The following ABLIM3 variants were observed in gnomAD, a reference collection of about 807,000 sequenced individuals.
ABLIM3 encodes the protein actin binding LIM protein family member 3, also known as actin-binding LIM protein 3.
A neutral mutation model predicts 109.5 loss-of-function variants in ABLIM3; 61 were observed. The observed-to-expected ratio is 0.56, with a 90% CI of 0.45 to 0.69. The LOEUF (loss-of-function observed/expected upper bound fraction) is 0.69. ABLIM3 is among the 30% of genes least tolerant of loss of function. ABLIM3 has a pLI of 0.00. For synonymous variants in ABLIM3, 300 were observed against 324.8 expected (o/e 0.92, Z 0.82); for missense variants, 796 against 889.5 (o/e 0.89, Z 1.34).
At chr5:149,147,346 G>A (rs116470778) in intron 2 of ABLIM3, among the ~76,000 whole-genome samples, 454 of 151,918 alleles carry the variant, frequency 3.0e-3, no homozygotes, top group African/African-American at 0.01. Flanking sequence ...TTTTCATTCC[G>A]TTTATGTGGC....
At chr5:149,225,972 GTGTGTGTGTGTATATATATATATATATA>G (rs1561607456) in intron 8 of ABLIM3, among the ~76,000 whole-genome samples, 1 of 73,952 alleles carries the variant, frequency 1.4e-5, no homozygotes, top group East Asian at 3.4e-4. Flanking sequence ...GTGTGTGTGT[GTGTGTGTGTGTATATATATATATATATA>G]TATATATATA....
At position 149,259,384 on chromosome 5, in the gene ABLIM3, A is replaced by T. The variant is rs1754716305; in HGVS notation, c.*980A>T. 3 of 1,472,118 alleles carry T rather than the reference A, an allele frequency of 2.0e-6. No homozygotes were observed. The highest frequency in any genetic ancestry group is 1.8e-6 in the Non-Finnish European group (2 of 1,115,078). 91.2% of individuals were successfully genotyped at this position (1,472,118 alleles called of 1,614,324 possible). On this transcript the variant is annotated 3_prime_UTR_variant, in exon 24 of 24. Coordinates refer to ENST00000309868, the MANE Select transcript of ABLIM3 (RefSeq NM_014945.5). ...AATGTTCCCACCAGAGCTCCAACTG[A>T]ACAACCAGACAGACAACTCTCATCA...
At chr5:149,257,988 G>A (rs1754591930) in intron 23 of ABLIM3, among the ~76,000 whole-genome samples, 1 of 152,186 alleles carries the variant, frequency 6.6e-6, no homozygotes, top group Admixed American at 6.5e-5. Flanking sequence ...AGAAAGCGGA[G>A]GGGTCAACAG....
intron 2 of ABLIM3, among the ~76,000 whole-genome samples, chr5:149,163,430 A>G (rs1325552495): frequency 6.6e-6 from 1 of 152,062 alleles, no homozygotes; most frequent in Non-Finnish European, 1.5e-5. Flanking sequence ...ATAACAAAAT[A>G]CCACACACGG....
At chr5:149,213,396 A>G (rs540338477) in intron 7 of ABLIM3, among the ~76,000 whole-genome samples, 122 of 152,300 alleles carry the variant, frequency 8.0e-4, no homozygotes, top group Middle Eastern at 6.8e-3. Context: ...TTCAGAAAAC[A>G]TGGTGAGGTC....
At chr5:149,195,430 G>A (rs2127492026) in intron 3 of ABLIM3, among the ~76,000 whole-genome samples, 1 of 152,248 alleles carries the variant, frequency 6.6e-6, no homozygotes, top group South Asian at 2.1e-4. Context: ...TTCCATCCCT[G>A]TGCTCCCCAC....
chr5:149,242,578 AG>A (rs893329982), intron 15 of ABLIM3, 40 bp downstream of exon 15: 9 of 1,609,494 alleles, frequency 5.6e-6, no homozygotes, highest in Middle Eastern at 1.7e-4. Flanking sequence ...ACACAAGGAG[AG>A]GGGGGAGGTT....
chr5:149,252,380 A>G, intron 22 of ABLIM3, 172 bp downstream of exon 22: 1 of 645,798 alleles, frequency 1.5e-6, no homozygotes, highest in Non-Finnish European at 2.6e-6. Context: ...ACTTTTCCTG[A>G]ATCCTGCCCT....
At chr5:149,188,445 AAAG>A (rs1271616042) in intron 3 of ABLIM3, among the ~76,000 whole-genome samples, 1 of 152,260 alleles carries the variant, frequency 6.6e-6, no homozygotes, top group Non-Finnish European at 1.5e-5. Flanking sequence ...GAATTTAACA[AAAG>A]AAGTTCAAAA....
chr5:149,206,212 A>G (rs370853823), intron 5 of ABLIM3, among the ~76,000 whole-genome samples: 7 of 152,254 alleles, frequency 4.6e-5, no homozygotes, highest in African/African-American at 1.4e-4. Flanking sequence ...CTTGTCCCAC[A>G]TTCTCTTGGC....
chr5:149,210,823 A>C lies in ABLIM3; in HGVS notation c.669+4A>C. The C allele has an allele frequency of 1.9e-6, 3 of 1,613,496 alleles. No individual in the cohort carries two copies. The highest frequency in any genetic ancestry group is 2.5e-6 in the Non-Finnish European group (3 of 1,179,424). On this transcript the variant is annotated splice_donor_region_variant and intron_variant, in intron 7 of 23. Coordinates refer to ENST00000309868, the MANE Select transcript of ABLIM3 (RefSeq NM_014945.5). ...CATCAGTGGCAGAGTCTTGGAGGTG[A>C]GTGGGTATAAGTAACCGTGAAGATG... is the stretch of plus-strand genomic sequence containing the variant.
chr5:149,224,317 A>C (rs1355232132), intron 8 of ABLIM3, among the ~76,000 whole-genome samples: 1 of 152,162 alleles, frequency 6.6e-6, no homozygotes, highest in Non-Finnish European at 1.5e-5. Flanking sequence ...CAGAATTGCC[A>C]TTTTCCCCTT....
At chr5:149,220,766 A>C in intron 8 of ABLIM3, 1 of 152,232 alleles carries the variant, frequency 6.6e-6, no homozygotes, top group Admixed American at 6.5e-5. Flanking sequence ...GACCTTGAGA[A>C]GTGGCTTCCT....
chr5:149,208,100 C>T (rs927421025), intron 6 of ABLIM3, among the ~76,000 whole-genome samples: 11 of 152,342 alleles, frequency 7.2e-5, no homozygotes, highest in South Asian at 2.1e-4. Flanking sequence ...AGATATGCTG[C>T]GTTCATGAAG....
At chr5:149,256,818 C>G (rs1754469635) in intron 23 of ABLIM3, among the ~76,000 whole-genome samples, 1 of 152,158 alleles carries the variant, frequency 6.6e-6, no homozygotes, top group African/African-American at 2.4e-5. Context: ...CCTATTTTCT[C>G]TCTTTTGTGT....
Position 149,226,593 on chromosome 5 carries a change from C to T in ABLIM3, c.758-4056C>T, listed in dbSNP as rs117237701. ...TCAAGGAGTGGGAAGGGCTGGGAGT[C>T]AGAAAGTAGGGAGGGTCACTGGTGA... is the stretch of plus-strand genomic sequence containing the variant. On this transcript the variant is annotated intron_variant, in intron 8 of 23. Coordinates refer to ENST00000309868, the MANE Select transcript of ABLIM3 (RefSeq NM_014945.5). Among the ~76,000 whole-genome samples the T allele has an allele frequency of 5.7e-4, 87 of 152,264 alleles. 1 individual carries two copies. The East Asian group carries it at 0.015, about 26-fold the overall frequency.
intron 4 of ABLIM3, 149 bp from the exon 5 acceptor site, chr5:149,200,167 G>A: frequency 3.0e-6 from 2 of 673,482 alleles, no homozygotes; most frequent in East Asian, 2.7e-5. Context: ...CAGTTTAGTT[G>A]GCCTGTCACT....
intron 12 of ABLIM3, 106 bp from the exon 13 acceptor site, chr5:149,239,653 A>G (rs1033843665): frequency 3.0e-5 from 44 of 1,465,186 alleles, no homozygotes; most frequent in Admixed American, 7.2e-5. Context: ...CACACCTCAA[A>G]CCCGAGAATC....
Position 149,250,494 on chromosome 5 carries a change from G to A in ABLIM3, c.1777G>A (p.Gly593Arg), listed in dbSNP as rs1206578438. The A allele has an allele frequency of 6.2e-7, 1 of 1,614,160 alleles. No homozygotes were observed. The highest frequency in any genetic ancestry group is 2.2e-5 in the East Asian group (1 of 44,860). ...CTCCCTGCCTGCCTACCGAAGAAATGGGCTGCACAGGGTAAGAAGCTGTGC... is the reference window on the plus strand; with the variant it reads ...CTCCCTGCCTGCCTACCGAAGAAATAGGCTGCACAGGGTAAGAAGCTGTGC... The part of the protein sequence containing the change: ...SASLPAYRRN[G>R]LHRTPSADLF... Residue 593 changes from glycine (G) to arginine (R), a missense_variant, in exon 20 of 24, where the codon GGG becomes AGG. Physicochemically the swap from Gly to Arg is moderately radical, Grantham distance 125. Coordinates refer to ENST00000309868, the MANE Select transcript of ABLIM3 (RefSeq NM_014945.5).
Sources: allele counts gnomAD v4.1 joint callset (sites outside exome capture counted in the v4.1 genomes callset), GRCh38; gene constraint gnomAD v4.1.1; transcripts MANE v1.5; gene names NCBI Gene and HGNC (gene_info 2026-07-23, HGNC 2026-07-21).